CTNNA2: variants seen among roughly 807,000 people sequenced by gnomAD.
The protein encoded by CTNNA2 is catenin alpha 2, also known as catenin alpha-2.
A neutral mutation model predicts 101.0 loss-of-function variants in CTNNA2; 42 were observed. The ratio of observed to expected loss-of-function variants is 0.42; its 90% CI spans 0.32 to 0.54. The LOEUF is 0.54. Ranked by LOEUF, CTNNA2 falls within the 20% of genes least tolerant of loss-of-function variation. The pLI, the probability that CTNNA2 is intolerant of heterozygous loss-of-function variation, is 0.14. For synonymous variants in CTNNA2, 450 were observed against 456.4 expected, an observed-to-expected ratio of 0.99 and a Z score of 0.18; for missense variants, 871 against 1,223.1, an observed-to-expected ratio of 0.71 and a Z score of 4.29.
intron 6 of CTNNA2, among the ~76,000 whole-genome samples, chr2:79,878,047 A>G (rs1217121069): frequency 6.6e-6 from 1 of 152,048 alleles, no homozygotes; most frequent in Non-Finnish European, 1.5e-5. Flanking sequence ...ACTCCCACTT[A>G]GGAATGAGAA....
intron 1 of CTNNA2, among the ~76,000 whole-genome samples, chr2:79,648,576 A>G (rs535499289): frequency 1.3e-5 from 2 of 152,282 alleles, no homozygotes; most frequent in South Asian, 4.1e-4. Flanking sequence ...AACTGTAAAG[A>G]TGATACCAGC....
At chr2:79,264,209 A>G (rs1447561227) in intron 2 of CTNNA2, among the ~76,000 whole-genome samples, 1 of 152,146 alleles carries the variant, frequency 6.6e-6, no homozygotes, top group African/African-American at 2.4e-5. Flanking sequence ...CTAGTGTGCT[A>G]TGTGGTAGGG....
chr2:79,839,551 A>G (rs1481903059), intron 3 of CTNNA2, among the ~76,000 whole-genome samples: 1 of 152,028 alleles, frequency 6.6e-6, no homozygotes, highest in African/African-American at 2.4e-5. Context: ...GATTAGACTT[A>G]TGCTAGAAAA....
chr2:79,854,549 T>C (rs991258188), intron 3 of CTNNA2, among the ~76,000 whole-genome samples: 5 of 152,246 alleles, frequency 3.3e-5, no homozygotes, highest in Admixed American at 2.6e-4. Context: ...GTTTATCCTT[T>C]TTCATCCATG....
At chr2:80,479,900 T>C (rs1686018225) in intron 9 of CTNNA2, among the ~76,000 whole-genome samples, 1 of 152,204 alleles carries the variant, frequency 6.6e-6, no homozygotes, top group Admixed American at 6.5e-5. Context: ...TTCATTCTTT[T>C]GTCAACTTTG....
At chr2:80,216,759 A>G (rs1400032110) in intron 7 of CTNNA2, among the ~76,000 whole-genome samples, 3 of 152,160 alleles carry the variant, frequency 2.0e-5, no homozygotes, top group African/African-American at 7.2e-5. Context: ...AACTAAGACT[A>G]GTAAAAATAA....
At chr2:79,284,465 A>G (rs1232981110) in intron 2 of CTNNA2, among the ~76,000 whole-genome samples, 1 of 151,268 alleles carries the variant, frequency 6.6e-6, no homozygotes, top group African/African-American at 2.4e-5. Context: ...AGTTTTTAGC[A>G]TGAAGGGTTG....
At chr2:79,926,583 C>CA (rs1382807911) in intron 7 of CTNNA2, among the ~76,000 whole-genome samples, 1 of 151,652 alleles carries the variant, frequency 6.6e-6, no homozygotes, top group African/African-American at 2.4e-5. Context: ...TTCTTTAACA[C>CA]AAAAAGGAAA....
intron 3 of CTNNA2, among the ~76,000 whole-genome samples, chr2:79,803,765 G>T (rs11886834): frequency 0.15 from 22,339 of 152,250 alleles, 1,667 homozygotes; most frequent in Admixed American, 0.18. Context: ...TAGTTCCTTA[G>T]AATTCATTTG....
intron 2 of CTNNA2, among the ~76,000 whole-genome samples, chr2:79,739,211 G>T (rs1000949843): frequency 3.3e-5 from 5 of 152,034 alleles, no homozygotes; most frequent in Non-Finnish European, 7.4e-5. Flanking sequence ...CCTGGTTGGG[G>T]CAGAGGGAGG....
intron 3 of CTNNA2, among the ~76,000 whole-genome samples, chr2:79,323,486 G>A (rs1409404553): frequency 6.6e-6 from 1 of 152,066 alleles, no homozygotes; most frequent in Non-Finnish European, 1.5e-5. Context: ...AGGTGCAGCA[G>A]ACACTGTGGG....
chr2:79,910,489 G>A (rs533852342), intron 7 of CTNNA2, among the ~76,000 whole-genome samples: 1 of 152,274 alleles, frequency 6.6e-6, no homozygotes, highest in African/African-American at 2.4e-5. Context: ...GCCTTGAAAG[G>A]CACTAAATTA....
At chr2:79,791,345 T>A (rs2105253387) in intron 3 of CTNNA2, among the ~76,000 whole-genome samples, 1 of 152,244 alleles carries the variant, frequency 6.6e-6, no homozygotes, top group African/African-American at 2.4e-5. Context: ...CAGACATGCC[T>A]CAACCGATCC....
chr2:80,598,873 T>A (rs1247819912), intron 15 of CTNNA2, among the ~76,000 whole-genome samples: 2 of 152,046 alleles, frequency 1.3e-5, no homozygotes, highest in African/African-American at 4.8e-5. Context: ...ATGTTAGGAG[T>A]GGGTTAAATG....
chr2:79,237,649 C>T (rs1010773996), intron 2 of CTNNA2, among the ~76,000 whole-genome samples: 10 of 152,190 alleles, frequency 6.6e-5, no homozygotes, highest in African/African-American at 2.2e-4. Flanking sequence ...CTTCAAAGAT[C>T]TTAGCTTGAT....
chr2:79,616,853 G>A (rs192490371), intron 1 of CTNNA2, among the ~76,000 whole-genome samples: 133 of 151,602 alleles, frequency 8.8e-4, no homozygotes, highest in African/African-American at 2.7e-3. Flanking sequence ...GTCTTTTGGC[G>A]TTTGTCATTT....
At chr2:80,563,924 A>G (rs1417526855) in intron 12 of CTNNA2, among the ~76,000 whole-genome samples, 2 of 151,996 alleles carry the variant, frequency 1.3e-5, no homozygotes, top group African/African-American at 2.4e-5. Flanking sequence ...CCATCTTAGT[A>G]CCTGAGGCAT....
intron 3 of CTNNA2, among the ~76,000 whole-genome samples, chr2:79,815,901 T>C (rs1677454100): frequency 1.3e-5 from 2 of 152,180 alleles, no homozygotes; most frequent in East Asian, 1.9e-4. Context: ...GCATGGTATG[T>C]GTTTCCATTT....
chr2:79,193,054 C>A (rs2104164158), intron 1 of CTNNA2, among the ~76,000 whole-genome samples: 1 of 152,140 alleles, frequency 6.6e-6, no homozygotes, highest in Non-Finnish European at 1.5e-5. Context: ...TACATGTATC[C>A]CTAGCAACAT....
Sources: allele counts gnomAD v4.1 joint callset (sites outside exome capture counted in the v4.1 genomes callset), GRCh38; gene constraint gnomAD v4.1.1; transcripts MANE v1.5; gene names NCBI Gene and HGNC (gene_info 2026-07-23, HGNC 2026-07-21).